The following ATP8A1 variants were observed in gnomAD, a reference collection of about 807,000 sequenced individuals.
The protein encoded by ATP8A1 is phospholipid-transporting ATPase IA.
Under a neutral mutation model 177.7 loss-of-function variants are expected in ATP8A1, and 90 were observed. That is an observed-to-expected ratio of 0.51 (90% CI 0.43 to 0.60). ATP8A1 has a LOEUF of 0.60. Ranked by LOEUF, ATP8A1 falls within the 20% of genes least tolerant of loss-of-function variation. ATP8A1 has a pLI of 0.00. For synonymous variants in ATP8A1, 493 were observed against 485.9 expected (o/e 1.01, Z -0.19); for missense variants, 1,072 against 1,392.8 (o/e 0.77, Z 3.67).
intron 25 of ATP8A1, among the ~76,000 whole-genome samples, chr4:42,469,234 T>A (rs1412331031): frequency 6.6e-6 from 1 of 152,192 alleles, no homozygotes; most frequent in Non-Finnish European, 1.5e-5. Context: ...AATGAAGTTA[T>A]GAGATATTTA....
intron 25 of ATP8A1, among the ~76,000 whole-genome samples, chr4:42,470,473 T>C (rs1444284281): frequency 6.6e-6 from 1 of 152,132 alleles, no homozygotes; most frequent in Non-Finnish European, 1.5e-5. Flanking sequence ...TATGTACATA[T>C]ATATAATAGA....
At chr4:42,539,721 C>T (rs748701255) in intron 20 of ATP8A1, among the ~76,000 whole-genome samples, 6 of 152,016 alleles carry the variant, frequency 3.9e-5, no homozygotes, top group Non-Finnish European at 5.9e-5. Context: ...ATAAATGGTG[C>T]TGGGAAATCT....
intron 21 of ATP8A1, among the ~76,000 whole-genome samples, chr4:42,523,149 G>A (rs1002862076): frequency 5.3e-5 from 8 of 152,234 alleles, no homozygotes; most frequent in South Asian, 2.1e-4. Flanking sequence ...GATATACCCC[G>A]GGAAAACAAT....
intron 33 of ATP8A1, among the ~76,000 whole-genome samples, chr4:42,433,444 T>A (rs1315087193): frequency 6.6e-6 from 1 of 152,178 alleles, no homozygotes; most frequent in Non-Finnish European, 1.5e-5. Context: ...AGGCACTCCA[T>A]AAATCTCAGT....
rs141395972 is a variant in ATP8A1 at position 42,538,730 on chromosome 4, T to G, written c.1722+5187A>C. Reference sequence around the variant, plus strand: ...TGATACCACCTTACTCCTGCAAGAATGGCCATAATCAAAAACTCAAAAAAT... The same window carrying G: ...TGATACCACCTTACTCCTGCAAGAAGGGCCATAATCAAAAACTCAAAAAAT... On this transcript the variant is annotated intron_variant, in intron 20 of 36. Coordinates refer to ENST00000381668, the MANE Select transcript of ATP8A1 (RefSeq NM_006095.2). Among the ~76,000 whole-genome samples the G allele has an allele frequency of 5.3e-3, 800 of 152,252 alleles. 7 individuals carry two copies. Among genetic ancestry groups the G allele is most frequent in the African/African-American group, 0.017 (716 of 41,542 alleles).
rs199797696 is a variant in ATP8A1 at position 42,507,041 on chromosome 4, G to A, written c.2061C>T (p.Asp687=). ...CGATGTTAATGGCAGTTTCTTGCTT[G>A]TCCCCTGTAAGGATCCAGATTTTGA... ...ADIKIWILTG[D]KQETAINIGH... The change falls in exon 23 of 37, where the codon GAC becomes GAT. Residue 687 remains aspartate, a synonymous_variant. Coordinates refer to ENST00000381668, the MANE Select transcript of ATP8A1 (RefSeq NM_006095.2). 6.2e-7 allele frequency: 1 copy of A among 1,613,848 alleles called. No homozygotes were observed. The highest frequency in any genetic ancestry group is 1.3e-5 in the African/African-American group (1 of 75,036).
chr4:42,447,220 G>A (rs113245672), intron 30 of ATP8A1, among the ~76,000 whole-genome samples: 18,806 of 152,000 alleles, frequency 0.12, 2,353 homozygotes, highest in African/African-American at 0.32. Context: ...GTCTTACTTT[G>A]TCATCCAGGT....
At chr4:42,481,628 A>G (rs1364446820) in intron 25 of ATP8A1, among the ~76,000 whole-genome samples, 2 of 152,248 alleles carry the variant, frequency 1.3e-5, no homozygotes, top group African/African-American at 4.8e-5. Context: ...TCCCTGGGAT[A>G]GTGCTTGATT....
Position 42,422,907 on chromosome 4 carries a change from A to G in ATP8A1, c.3213-8T>C. On this transcript the variant is annotated splice_region_variant and splice_polypyrimidine_tract_variant and intron_variant, in intron 34 of 36. Transcript: ENST00000381668. ...AAAGCAGTCCTCTTGATACTGCAAA[A>G]AGAAAAAAAAAGGGATTTGCATGGA... 1 of 1,596,202 alleles carries G rather than the reference A, an allele frequency of 6.3e-7. No individual in the cohort carries two copies. Among genetic ancestry groups the G allele is most frequent in the Non-Finnish European group, 8.5e-7 (1 of 1,173,328 alleles).
intron 6 of ATP8A1, among the ~76,000 whole-genome samples, chr4:42,598,624 G>A (rs991214549): frequency 5.3e-4 from 80 of 151,846 alleles, no homozygotes; most frequent in African/African-American, 1.6e-3. Flanking sequence ...AATTTTTCTG[G>A]GAATATGACA....
intron 1 of ATP8A1, among the ~76,000 whole-genome samples, chr4:42,627,475 A>G (rs1175553383): frequency 6.6e-6 from 1 of 152,236 alleles, no homozygotes; most frequent in African/African-American, 2.4e-5. Context: ...AATTTAAAAT[A>G]TAGTCAAAAA....
rs1328355987 is a variant in ATP8A1, at chr4:42,579,925, T to C, written c.888A>G (p.Val296=). 1 of 1,613,184 alleles carries C rather than the reference T, an allele frequency of 6.2e-7. No individual in the cohort carries two copies. Among genetic ancestry groups the C allele is most frequent in the Non-Finnish European group, 8.5e-7 (1 of 1,179,404 alleles). The change falls in exon 11 of 37, where the codon GTA becomes GTG. Residue 296 remains valine (V), a synonymous_variant. Coordinates refer to ENST00000381668, the MANE Select transcript of ATP8A1 (RefSeq NM_006095.2). ...AGATACAAAATAAAATCAAAATTTG[T>C]ACATTTGTAATCCGTTCCACATTTG... is the stretch of plus-strand genomic sequence containing the variant. ...KLSNVERITN[V]QILILFCILI... is the part of the protein sequence containing the mutation.
chr4:42,496,130 G>A (rs1399159457), intron 24 of ATP8A1, among the ~76,000 whole-genome samples: 1 of 152,142 alleles, frequency 6.6e-6, no homozygotes, highest in African/African-American at 2.4e-5. Flanking sequence ...AAGTGCTTGC[G>A]AGGCATCTAG....
chr4:42,417,114 C>T (rs941732470), intron 35 of ATP8A1, among the ~76,000 whole-genome samples: 1 of 152,144 alleles, frequency 6.6e-6, no homozygotes, highest in Non-Finnish European at 1.5e-5. Flanking sequence ...ATGCCATTCA[C>T]AGGAGGTTGC....
At chr4:42,587,078 G>A (rs1311230137) in intron 8 of ATP8A1, among the ~76,000 whole-genome samples, 2 of 152,094 alleles carry the variant, frequency 1.3e-5, no homozygotes, top group African/African-American at 4.8e-5. Flanking sequence ...CATTTTTAAA[G>A]TCCCTCTTAA....
At chr4:42,544,985 C>A (rs1728748035) in intron 19 of ATP8A1, among the ~76,000 whole-genome samples, 1 of 151,972 alleles carries the variant, frequency 6.6e-6, no homozygotes, top group Middle Eastern at 3.4e-3. Flanking sequence ...CATGGTGAAA[C>A]CCTGTCTCTA....
At chr4:42,580,625 A>G (rs1462871609) in intron 10 of ATP8A1, among the ~76,000 whole-genome samples, 2 of 152,282 alleles carry the variant, frequency 1.3e-5, no homozygotes, top group Non-Finnish European at 2.9e-5. Flanking sequence ...GAAGATTTAT[A>G]GAATTTATAA....
intron 35 of ATP8A1, chr4:42,415,165 A>G (rs1713091175): frequency 6.5e-6 from 1 of 153,260 alleles, no homozygotes. Flanking sequence ...ACGTTTTGGT[A>G]TAAACTATTT....
chr4:42,545,709 T>A (rs1187768271), intron 19 of ATP8A1, among the ~76,000 whole-genome samples: 1 of 152,156 alleles, frequency 6.6e-6, no homozygotes, highest in Non-Finnish European at 1.5e-5. Flanking sequence ...TATGGTGGCT[T>A]ACGCCTGTAA....
Sources: allele counts gnomAD v4.1 joint callset (sites outside exome capture counted in the v4.1 genomes callset), GRCh38; gene constraint gnomAD v4.1.1; transcripts MANE v1.5; gene names NCBI Gene and HGNC (gene_info 2026-07-23, HGNC 2026-07-21).